CNTNAP2: variants seen among roughly 807,000 people sequenced by gnomAD.
CNTNAP2 encodes the protein contactin associated protein 2.
CNTNAP2 carries 98 observed loss-of-function variants against 155.2 expected under a neutral mutation model. The observed-to-expected ratio is 0.63, with a 90% confidence interval of 0.54 to 0.75. CNTNAP2 has a LOEUF of 0.75. Ranked by LOEUF, CNTNAP2 falls within the 30% of genes least tolerant of loss-of-function variation. The pLI, the probability that CNTNAP2 is intolerant of heterozygous loss-of-function variation, is 0.00. For synonymous variants in CNTNAP2, 651 were observed against 631.2 expected (o/e 1.03, Z -0.47); for missense variants, 1,727 against 1,688.1 (o/e 1.02, Z -0.40).
chr7:146,200,821 T>A (rs868411941), intron 1 of CNTNAP2, among the ~76,000 whole-genome samples: 1 of 152,286 alleles, frequency 6.6e-6, no homozygotes, highest in South Asian at 2.1e-4. Context: ...GACTCTGTAT[T>A]CCATCTTCTA....
chr7:147,011,815 G>A (rs970141535), intron 3 of CNTNAP2, among the ~76,000 whole-genome samples: 4 of 152,244 alleles, frequency 2.6e-5, no homozygotes, highest in African/African-American at 9.6e-5. Flanking sequence ...GACCTTCCTC[G>A]TTTGATGGCA....
Position 147,410,392 on chromosome 7 carries a change from G to C in CNTNAP2, c.1670+14612G>C, listed in dbSNP as rs1455092716. Among the ~76,000 whole-genome samples the C allele has an allele frequency of 5.3e-5, 8 of 152,188 alleles. No individual in the cohort carries two copies. In the East Asian group the frequency reaches 9.6e-4, roughly 18 times the overall value. On this transcript the variant is annotated intron_variant, in intron 10 of 23. Transcript: ENST00000361727. ...ACCACACACTGGGGCCTGTCAGAGA[G>C]TGAAGGATGGGAGGAGGGAGAGGAT...
intron 1 of CNTNAP2, among the ~76,000 whole-genome samples, chr7:146,447,818 C>T (rs1407204153): frequency 6.6e-6 from 1 of 151,930 alleles, no homozygotes; most frequent in Non-Finnish European, 1.5e-5. Context: ...GGTGTTTACT[C>T]ATTACTCTGG....
chr7:146,855,935 C>A (rs1350437835), intron 3 of CNTNAP2, among the ~76,000 whole-genome samples: 1 of 149,406 alleles, frequency 6.7e-6, no homozygotes, highest in South Asian at 2.1e-4. Flanking sequence ...ACTAAGCACA[C>A]CTAAGATAGA....
intron 10 of CNTNAP2, among the ~76,000 whole-genome samples, chr7:147,458,647 T>C (rs976908882): frequency 3.3e-5 from 5 of 152,186 alleles, no homozygotes; most frequent in Non-Finnish European, 7.3e-5. Context: ...CACTGCCTGA[T>C]AGTCTCCCTC....
At chr7:146,803,779 T>C (rs1401581738) in intron 2 of CNTNAP2, among the ~76,000 whole-genome samples, 1 of 152,248 alleles carries the variant, frequency 6.6e-6, no homozygotes, top group Non-Finnish European at 1.5e-5. Context: ...AGATGTGTGT[T>C]AAAATGTATG....
At chr7:147,389,464 C>T (rs576172438) in intron 9 of CNTNAP2, among the ~76,000 whole-genome samples, 5 of 152,272 alleles carry the variant, frequency 3.3e-5, no homozygotes, top group African/African-American at 1.2e-4. Context: ...TTTAGGTTGC[C>T]ATTTTAATGT....
intron 3 of CNTNAP2, among the ~76,000 whole-genome samples, chr7:147,008,083 G>A (rs1257711243): frequency 2.6e-5 from 4 of 152,090 alleles, no homozygotes; most frequent in Admixed American, 6.6e-5. Flanking sequence ...GTGGCCCCAC[G>A]TTTTCAATAG....
chr7:146,845,124 A>G (rs1001667166), intron 3 of CNTNAP2, among the ~76,000 whole-genome samples: 11 of 152,218 alleles, frequency 7.2e-5, no homozygotes, highest in African/African-American at 1.4e-4. Flanking sequence ...TCAAAAATCT[A>G]GAAGACAAAT....
intron 9 of CNTNAP2, among the ~76,000 whole-genome samples, chr7:147,325,303 TCAACAA>T (rs757753769): frequency 2.6e-5 from 4 of 152,040 alleles, no homozygotes; most frequent in African/African-American, 4.8e-5. Context: ...AGACTCCATC[TCAACAA>T]CAACAACAAC....
chr7:146,563,878 T>C (rs1452651156), intron 1 of CNTNAP2, among the ~76,000 whole-genome samples: 1 of 152,130 alleles, frequency 6.6e-6, no homozygotes, highest in Non-Finnish European at 1.5e-5. Flanking sequence ...GAACATTGTC[T>C]CCCTAATTCA....
In CNTNAP2 at chr7:147,637,775, G is replaced by A. The variant is rs142848287; in HGVS notation, c.1898-1331G>A. Among the ~76,000 whole-genome samples, 5 of 152,208 alleles carry A rather than the reference G, an allele frequency of 3.3e-5. No homozygotes were observed. In the East Asian group the frequency reaches 9.7e-4, roughly 29 times the overall value. ...GTACATTACGTGTAACATTGATTGT[G>A]TATTTTCATCCAAAGGTGCATCATG... On this transcript the variant is annotated intron_variant, in intron 12 of 23. Coordinates refer to ENST00000361727, the MANE Select transcript of CNTNAP2 (RefSeq NM_014141.6).
At chr7:147,789,234 C>T (rs547400062) in intron 13 of CNTNAP2, among the ~76,000 whole-genome samples, 8 of 152,204 alleles carry the variant, frequency 5.3e-5, no homozygotes, top group Middle Eastern at 3.4e-3. Context: ...ACATTAGAAA[C>T]GAAGTCCTAT....
intron 1 of CNTNAP2, among the ~76,000 whole-genome samples, chr7:146,418,727 T>C (rs1055083845): frequency 2.6e-5 from 4 of 152,262 alleles, no homozygotes; most frequent in African/African-American, 7.2e-5. Context: ...CTGCAAAATA[T>C]TGTTATGATT....
intron 12 of CNTNAP2, among the ~76,000 whole-genome samples, chr7:147,610,313 T>G (rs1047348924): frequency 6.6e-6 from 1 of 152,074 alleles, no homozygotes; most frequent in Admixed American, 6.6e-5. Flanking sequence ...TTTTCTTTGT[T>G]TGTTTGTTTC....
intron 2 of CNTNAP2, 145 bp downstream of exon 2, chr7:146,774,526 T>C (rs1050382487): frequency 3.0e-6 from 2 of 655,918 alleles, no homozygotes; most frequent in Non-Finnish European, 5.4e-6. Flanking sequence ...GATCCATAGA[T>C]GCCATTAACC....
intron 16 of CNTNAP2, among the ~76,000 whole-genome samples, chr7:148,126,852 G>A (rs796877479): frequency 7.9e-5 from 12 of 152,282 alleles, no homozygotes; most frequent in African/African-American, 2.9e-4. Flanking sequence ...TGTTCGCCTG[G>A]CCCCAAGATA....
At chr7:146,950,958 G>T (rs1433553475) in intron 3 of CNTNAP2, among the ~76,000 whole-genome samples, 5 of 152,138 alleles carry the variant, frequency 3.3e-5, no homozygotes, top group Non-Finnish European at 5.9e-5. Context: ...AGCATCTGTT[G>T]TTTCCTGACT....
chr7:146,352,750 G>GTTTTTTTGTTTTTTTTTT (rs1794934763), intron 1 of CNTNAP2, among the ~76,000 whole-genome samples: 1 of 64,338 alleles, frequency 1.6e-5, no homozygotes, highest in African/African-American at 6.4e-5. Context: ...GCATAATTCT[G>GTTTTTTTGTTTTTTTTTT]TTTTTTTTTT....
Sources: gnomAD v4.1 joint callset for allele counts (sites outside exome capture counted in the v4.1 genomes callset) on GRCh38, gnomAD v4.1.1 for gene constraint, MANE v1.5 for transcripts, NCBI Gene and HGNC (gene_info 2026-07-23, HGNC 2026-07-21) for gene names.